The following NF1 variants were observed in gnomAD, a reference collection of about 807,000 sequenced individuals.
NF1 encodes neurofibromin.
A neutral mutation model predicts 325.7 loss-of-function variants in NF1; 122 were observed. The ratio of observed to expected loss-of-function variants is 0.37; its 90% CI spans 0.32 to 0.44. The LOEUF (loss-of-function observed/expected upper bound fraction) is 0.44, where lower values mean the gene tolerates loss of function less well. Among genes scored for constraint, NF1 ranks in the 20% least tolerant of loss-of-function variants. The pLI is 1.00. For missense variants in NF1, 2,140 were observed against 3,415.4 expected, an observed-to-expected ratio of 0.63 and a Z score of 9.31; for synonymous variants, 1,091 against 1,186.0, an observed-to-expected ratio of 0.92 and a Z score of 1.65.
intron 1 of NF1, among the ~76,000 whole-genome samples, chr17:31,130,983 C>G (rs766648522): frequency 8.5e-5 from 13 of 152,130 alleles, no homozygotes; most frequent in South Asian, 6.2e-4. Context: ...TGTGGCCCCC[C>G]CCGGCAGTAC....
At chr17:31,274,243 C>T (rs2067959472) in intron 36 of NF1, among the ~76,000 whole-genome samples, 1 of 152,068 alleles carries the variant, frequency 6.6e-6, no homozygotes, top group Non-Finnish European at 1.5e-5. Flanking sequence ...CCTTGAAGTG[C>T]ATAAAGTAAA....
intron 1 of NF1, among the ~76,000 whole-genome samples, chr17:31,109,028 C>T (rs1913162457): frequency 6.6e-6 from 1 of 152,236 alleles, no homozygotes; most frequent in Non-Finnish European, 1.5e-5. Flanking sequence ...GTAAATGCTG[C>T]TTCCCTGTAT....
intron 57 of NF1, among the ~76,000 whole-genome samples, chr17:31,373,042 C>T (rs2070675232): frequency 6.6e-6 from 1 of 152,130 alleles, no homozygotes; most frequent in East Asian, 1.9e-4. Flanking sequence ...CATTGTTAGG[C>T]CCAGGTTTTG....
At chr17:31,118,933 T>G (rs1049576467) in intron 1 of NF1, among the ~76,000 whole-genome samples, 3 of 103,152 alleles carry the variant, frequency 2.9e-5, no homozygotes, top group Non-Finnish European at 7.9e-5. Context: ...TCTATGTCTC[T>G]CTCTCTTTTT....
chr17:31,228,946 A>G (rs1938720307), intron 20 of NF1, 79 bp from the exon 21 acceptor site: 1 of 1,133,400 alleles, frequency 8.8e-7, no homozygotes, highest in Admixed American at 2.4e-5. Context: ...CATGGAAGAA[A>G]TGTTGGATAA....
intron 38 of NF1, among the ~76,000 whole-genome samples, chr17:31,328,924 G>C (rs1487726153): frequency 6.6e-6 from 1 of 152,168 alleles, no homozygotes; most frequent in Non-Finnish European, 1.5e-5. Context: ...GTCCTGGGTT[G>C]AGGAAGTCCA....
intron 36 of NF1, among the ~76,000 whole-genome samples, chr17:31,303,407 C>T (rs7405895): frequency 1 from 151,996 of 152,290 alleles, 75,858 homozygotes; most frequent in Middle Eastern, 1. Context: ...AGAAAGGTGA[C>T]TTAAGAGTGG....
At chr17:31,167,746 A>T (rs1362645898) in intron 4 of NF1, among the ~76,000 whole-genome samples, 1 of 152,200 alleles carries the variant, frequency 6.6e-6, no homozygotes, top group Non-Finnish European at 1.5e-5. Flanking sequence ...TTTTATTAAC[A>T]TTTAGGCTAA....
chr17:31,208,842 G>A (rs1260844700), intron 12 of NF1, among the ~76,000 whole-genome samples: 1 of 152,042 alleles, frequency 6.6e-6, no homozygotes, highest in Non-Finnish European at 1.5e-5. Flanking sequence ...AGTGAACTGA[G>A]ATGGCGCCAT....
intron 36 of NF1, chr17:31,294,473 T>C (rs2068418751): frequency 6.1e-6 from 1 of 163,150 alleles, no homozygotes; most frequent in Admixed American, 5.8e-5. Flanking sequence ...AAAATAATGT[T>C]GTAGCATAAC....
chr17:31,215,900 A>T (rs923485793), intron 13 of NF1, among the ~76,000 whole-genome samples: 11 of 152,188 alleles, frequency 7.2e-5, no homozygotes, highest in African/African-American at 2.4e-4. Context: ...TGAATTTTTT[A>T]AAAATGTGTA....
chr17:31,330,541 G>T, intron 39 of NF1, 43 bp downstream of exon 39: 1 of 1,408,420 alleles, frequency 7.1e-7, no homozygotes, highest in South Asian at 1.2e-5. Flanking sequence ...ATTATTCTAA[G>T]AGAATTCAAA....
intron 4 of NF1, among the ~76,000 whole-genome samples, chr17:31,164,212 C>T (rs1432912223): frequency 6.6e-6 from 1 of 152,130 alleles, no homozygotes; most frequent in Non-Finnish European, 1.5e-5. Flanking sequence ...CTATTTTAGC[C>T]ACATTTTGAT....
chr17:31,267,563 T>C (rs1276006776), intron 36 of NF1, among the ~76,000 whole-genome samples: 2 of 152,176 alleles, frequency 1.3e-5, no homozygotes, highest in African/African-American at 4.8e-5. Flanking sequence ...TTTACTCCAT[T>C]ATGAAGGTCT....
rs9895444 is a variant in NF1 at position 31,200,782 on chromosome 17, C to T, written c.1062+187C>T. On this transcript the variant is annotated intron_variant, in intron 9 of 57. Transcript: ENST00000358273. ...TGGACTGAGAATATGAAGAAAACACCATTTTCTTAAATAAGCATAAATATA... is the reference window on the plus strand; with the variant it reads ...TGGACTGAGAATATGAAGAAAACACTATTTTCTTAAATAAGCATAAATATA... Among the ~76,000 whole-genome samples, 1,638 of 152,258 alleles carry T rather than the reference C, an allele frequency of 0.011. 31 individuals are homozygous for T. Among genetic ancestry groups the T allele is most frequent in the African/African-American group, 0.037 (1,543 of 41,546 alleles).
chr17:31,369,975 A>G (rs1027445128), intron 57 of NF1, among the ~76,000 whole-genome samples: 1 of 152,150 alleles, frequency 6.6e-6, no homozygotes, highest in African/African-American at 2.4e-5. Flanking sequence ...TTCAAGATAT[A>G]TTTTGGTGTA....
chr17:31,268,409 A>G (rs1184872431), intron 36 of NF1, among the ~76,000 whole-genome samples: 3 of 151,840 alleles, frequency 2.0e-5, no homozygotes, highest in Non-Finnish European at 4.4e-5. Flanking sequence ...CGGGCAGATC[A>G]TGAGGTCAGG....
intron 51 of NF1, among the ~76,000 whole-genome samples, chr17:31,353,968 G>T (rs1300711910): frequency 2.0e-5 from 3 of 152,186 alleles, no homozygotes; most frequent in Non-Finnish European, 4.4e-5. Flanking sequence ...GTTCCCTTCT[G>T]TTAGTACCTT....
chr17:31,163,177 C>T lies in NF1; in HGVS notation c.289-9C>T, dbSNP rs2143669962. 2 of 1,613,536 alleles carry T rather than the reference C, an allele frequency of 1.2e-6. No individual in the cohort carries two copies. The highest frequency in any genetic ancestry group is 1.7e-6 in the Non-Finnish European group (2 of 1,179,686). On this transcript the variant is annotated splice_polypyrimidine_tract_variant and intron_variant, in intron 3 of 57. Coordinates refer to ENST00000358273, the MANE Select transcript of NF1 (RefSeq NM_001042492.3). Reference sequence around the variant, plus strand: ...AAAGTTTAGAATAATGTGATTATTTCTATTTTAGCAACCAAAGGACACAAT... The same window carrying T: ...AAAGTTTAGAATAATGTGATTATTTTTATTTTAGCAACCAAAGGACACAAT...
Sources: allele counts gnomAD v4.1 joint callset (sites outside exome capture counted in the v4.1 genomes callset), GRCh38; gene constraint gnomAD v4.1.1; transcripts MANE v1.5; gene names NCBI Gene and HGNC (gene_info 2026-07-23, HGNC 2026-07-21).